The following CDH17 variants were observed in gnomAD, a reference collection of about 807,000 sequenced individuals.
The protein encoded by CDH17 is cadherin-17.
Under a neutral mutation model 86.3 loss-of-function variants are expected in CDH17, and 67 were observed. The observed-to-expected ratio is 0.78, with a 90% CI of 0.64 to 0.95. The LOEUF (loss-of-function observed/expected upper bound fraction) is 0.95. CDH17 is among the 40% of genes least tolerant of loss of function. The pLI is 0.00. For synonymous variants in CDH17, 367 were observed against 366.4 expected, an observed-to-expected ratio of 1.00 and a Z score of -0.02; for missense variants, 993 against 1,017.6, an observed-to-expected ratio of 0.98 and a Z score of 0.33.
At chr8:94,144,504 G>A (rs1812701226) in intron 15 of CDH17, among the ~76,000 whole-genome samples, 1 of 151,976 alleles carries the variant, frequency 6.6e-6, no homozygotes, top group African/African-American at 2.4e-5. Context: ...AGTGCAATAA[G>A]ATGAGGTATG....
chr8:94,189,525 T>C (rs1345317285), intron 2 of CDH17, among the ~76,000 whole-genome samples: 1 of 152,240 alleles, frequency 6.6e-6, no homozygotes, highest in African/African-American at 2.4e-5. Flanking sequence ...GAAGAATCAC[T>C]CTATGAGAAG....
At chr8:94,195,488 C>G (rs1813765882) in intron 1 of CDH17, among the ~76,000 whole-genome samples, 1 of 152,126 alleles carries the variant, frequency 6.6e-6, no homozygotes, top group South Asian at 2.1e-4. Context: ...TTGTCATTAC[C>G]TACACAATAA....
intron 2 of CDH17, among the ~76,000 whole-genome samples, chr8:94,190,491 C>T (rs1426068262): frequency 6.6e-6 from 1 of 152,212 alleles, no homozygotes; most frequent in Non-Finnish European, 1.5e-5. Context: ...GGGGCACCCT[C>T]TAGGACCAGG....
chr8:94,148,827 A>G lies in CDH17; in HGVS notation c.1844T>C (p.Val615Ala), dbSNP rs1000525070. 1.2e-6 allele frequency: 2 copies of G among 1,608,914 alleles called. No individual in the cohort carries two copies. The highest frequency in any genetic ancestry group is 1.7e-6 in the Non-Finnish European group (2 of 1,178,472). Reference protein sequence around the residue: ...DTRGWLKIDHVTGEIFSVAPL... With the variant: ...DTRGWLKIDHATGEIFSVAPL... Reference sequence around the variant, plus strand: ...AGCCACACTAAAGATCTCACCAGTCACGTGGTCAATTTTAAGCCAACCTCT... The same window carrying G: ...AGCCACACTAAAGATCTCACCAGTCGCGTGGTCAATTTTAAGCCAACCTCT... The change falls in exon 14 of 18, where the codon GTG becomes GCG. Residue 615 changes from valine (V) to alanine (A), a missense_variant. Physicochemically the swap from Val to Ala is moderately conservative, Grantham distance 64. Coordinates refer to ENST00000027335, the MANE Select transcript of CDH17 (RefSeq NM_004063.4).
At chr8:94,172,619 G>C (rs576901264) in intron 7 of CDH17, among the ~76,000 whole-genome samples, 1 of 152,126 alleles carries the variant, frequency 6.6e-6, no homozygotes, top group South Asian at 2.1e-4. Flanking sequence ...ACTTGTTTAT[G>C]ATCAGTCATT....
chr8:94,168,158 T>TG (rs1813201628), intron 9 of CDH17, among the ~76,000 whole-genome samples: 9 of 87,192 alleles, frequency 1.0e-4, no homozygotes, highest in African/African-American at 3.1e-4. Context: ...ATATATATAT[T>TG]TGTGTGTGTG....
At chr8:94,196,298 A>C (rs1337066625) in intron 1 of CDH17, among the ~76,000 whole-genome samples, 1 of 152,248 alleles carries the variant, frequency 6.6e-6, no homozygotes, top group African/African-American at 2.4e-5. Flanking sequence ...TTATATTTGA[A>C]CTTTAAAGGG....
chr8:94,151,117 A>G (rs1387912304), intron 13 of CDH17, among the ~76,000 whole-genome samples: 2 of 152,210 alleles, frequency 1.3e-5, no homozygotes, highest in Non-Finnish European at 2.9e-5. Flanking sequence ...AATATTTCCT[A>G]TGCCATAGAC....
chr8:94,130,507 C>G (rs895833755), intron 17 of CDH17, 119 bp downstream of exon 17: 6 of 630,512 alleles, frequency 9.5e-6, no homozygotes, highest in Non-Finnish European at 1.7e-5. Context: ...ACCTTCTGGG[C>G]TATTGCCTGA....
chr8:94,195,116 C>G (rs537949920), intron 1 of CDH17, among the ~76,000 whole-genome samples: 192 of 152,322 alleles, frequency 1.3e-3, no homozygotes, highest in Non-Finnish European at 2.1e-3. Flanking sequence ...GTTCTCCCAC[C>G]TTAGCTTCCC....
intron 9 of CDH17, among the ~76,000 whole-genome samples, chr8:94,166,943 T>C (rs1229595893): frequency 6.6e-6 from 1 of 152,152 alleles, no homozygotes; most frequent in Non-Finnish European, 1.5e-5. Flanking sequence ...AGCCTCCAGG[T>C]CTAGGAGAGA....
At chr8:94,189,760 G>A (rs1394767134) in intron 2 of CDH17, among the ~76,000 whole-genome samples, 2 of 152,174 alleles carry the variant, frequency 1.3e-5, no homozygotes, top group African/African-American at 4.8e-5. Context: ...ATTTATAAGG[G>A]GGAGAAAGAA....
At chr8:94,215,395 G>T (rs1187576673) in intron 1 of CDH17, among the ~76,000 whole-genome samples, 1 of 152,078 alleles carries the variant, frequency 6.6e-6, no homozygotes, top group Non-Finnish European at 1.5e-5. Flanking sequence ...GACAAAAAAA[G>T]CCTAATATTA....
At chr8:94,128,511 T>C (rs1264247309) in intron 17 of CDH17, among the ~76,000 whole-genome samples, 171 bp from the exon 18 acceptor site, 3 of 152,216 alleles carry the variant, frequency 2.0e-5, no homozygotes, top group African/African-American at 7.2e-5. Flanking sequence ...GTTGGCCTTC[T>C]TGGAGAAATG....
At chr8:94,204,885 A>C (rs935483346) in intron 1 of CDH17, among the ~76,000 whole-genome samples, 3 of 152,228 alleles carry the variant, frequency 2.0e-5, no homozygotes, top group Admixed American at 6.5e-5. Flanking sequence ...GTCACAGGAA[A>C]GGGAGCCACT....
intron 15 of CDH17, among the ~76,000 whole-genome samples, chr8:94,138,669 C>A (rs1373567084): frequency 6.6e-6 from 1 of 152,102 alleles, no homozygotes; most frequent in African/African-American, 2.4e-5. Flanking sequence ...GGGAAAGAAC[C>A]ACCTAAAAAG....
intron 1 of CDH17, among the ~76,000 whole-genome samples, chr8:94,203,558 T>G (rs2129646603): frequency 6.6e-6 from 1 of 152,334 alleles, no homozygotes; most frequent in Admixed American, 6.5e-5. Context: ...TTTCATCGAT[T>G]AATGTTCAGA....
Position 94,148,607 on chromosome 8 carries a change from T to G in CDH17, c.1927+137A>C. 6.2e-6 allele frequency: 3 copies of G among 481,204 alleles called. No individual in the cohort carries two copies. The South Asian group carries it at 8.8e-5, about 14-fold the overall frequency. The allele number at this position is 481,204 out of a possible 1,614,324, so 29.8% of individuals were successfully genotyped here. A position where few individuals can be genotyped will look rare whatever the true frequency, so the allele number is the denominator to read the frequency against. On this transcript the variant is annotated intron_variant, in intron 14 of 17. Coordinates refer to ENST00000027335, the MANE Select transcript of CDH17 (RefSeq NM_004063.4). ...CACTCCCTTATATTTTGTACCCTTC[T>G]CATCCTTCCACTTTAAGGTTGTGAT...
chr8:94,149,268 C>T (rs764380921), intron 13 of CDH17, among the ~76,000 whole-genome samples: 1 of 152,056 alleles, frequency 6.6e-6, no homozygotes. Context: ...AACCACCCAC[C>T]TAGAAAATTT....
Sources: allele counts gnomAD v4.1 joint callset (sites outside exome capture counted in the v4.1 genomes callset), GRCh38; gene constraint gnomAD v4.1.1; transcripts MANE v1.5; gene names NCBI Gene and HGNC (gene_info 2026-07-23, HGNC 2026-07-21).